Variants in LAMA5 observed in about 807,000 individuals in gnomAD.
The protein encoded by LAMA5 is laminin subunit alpha 5.
Under a neutral mutation model 433.4 loss-of-function variants are expected in LAMA5, and 260 were observed. That is an observed-to-expected ratio of 0.60 (90% CI 0.54 to 0.66). The LOEUF (loss-of-function observed/expected upper bound fraction) is 0.66. LAMA5 is among the 30% of genes least tolerant of loss of function. LAMA5 has a pLI of 0.00. For missense variants in LAMA5, 5,378 were observed against 5,258.5 expected, an observed-to-expected ratio of 1.02 and a Z score of -0.70; for synonymous variants, 2,620 against 2,226.6, an observed-to-expected ratio of 1.18 and a Z score of -4.97.
intron 11 of LAMA5, among the ~76,000 whole-genome samples, chr20:62,344,405 G>T (rs1015463413): frequency 6.6e-6 from 1 of 152,070 alleles, no homozygotes; most frequent in Non-Finnish European, 1.5e-5. Flanking sequence ...CAATGATTTG[G>T]TCAGCAGGTG....
intron 1 of LAMA5, among the ~76,000 whole-genome samples, chr20:62,365,211 A>G (rs919915715): frequency 7.2e-5 from 11 of 152,238 alleles, no homozygotes; most frequent in Non-Finnish European, 2.9e-5. Flanking sequence ...TTTCTCATCC[A>G]AGCTGGCTCT....
At position 62,320,547 on chromosome 20, in the gene LAMA5, T is replaced by G. The variant is rs1384456102; in HGVS notation, c.6759+12A>C. The G allele has an allele frequency of 6.3e-7, 1 of 1,576,400 alleles. No individual in the cohort carries two copies. The highest frequency in any genetic ancestry group is 8.6e-7 in the Non-Finnish European group (1 of 1,167,800). ...AGCCTCCCGGGGCCCTGGGGGGTCTTGGGGCTCCTGCCTGGCCGCCTAGCC... is the reference window on the plus strand; with the variant it reads ...AGCCTCCCGGGGCCCTGGGGGGTCTGGGGGCTCCTGCCTGGCCGCCTAGCC... On this transcript the variant is annotated intron_variant, in intron 50 of 79. Transcript: ENST00000252999.
At chr20:62,341,165 T>C (rs1460886361) in intron 11 of LAMA5, among the ~76,000 whole-genome samples, 2 of 152,068 alleles carry the variant, frequency 1.3e-5, no homozygotes, top group African/African-American at 4.8e-5. Context: ...AAACTATCAG[T>C]GTGCCAAGTC....
At chr20:62,318,364 G>GGGAGGGGAGGGGGGGATGAGA (rs1987274786) in intron 53 of LAMA5, 90 bp downstream of exon 53, 2 of 608,392 alleles carry the variant, frequency 3.3e-6, no homozygotes, top group African/African-American at 3.0e-5. Context: ...GGAGGACGAG[G>GGGAGGGGAGGGGGGGATGAGA]GGAGGGGAGG....
Position 62,327,639 on chromosome 20 carries a change from A to C in LAMA5, c.4828T>G (p.Cys1610Gly), listed in dbSNP as rs775728783. The change falls in exon 37 of 80, where the codon TGC becomes GGC. Residue 1610 changes from cysteine to glycine, a missense_variant. By Grantham distance (159) the Cys-to-Gly change is radical (BLOSUM62 -3). Coordinates refer to ENST00000252999, the MANE Select transcript of LAMA5 (RefSeq NM_005560.6). ...ENVQGPKCDQ[C>G]SLGTFSLDAA... ...TCCAGTGAGAAGGTCCCAAGGCTGCACTGGTCACATTTGGGGCCCTGCACG... is the reference window on the plus strand; with the variant it reads ...TCCAGTGAGAAGGTCCCAAGGCTGCCCTGGTCACATTTGGGGCCCTGCACG... 1 of 1,613,198 alleles carries C rather than the reference A, an allele frequency of 6.2e-7. No homozygotes were observed.
chr20:62,353,435 G>T, intron 2 of LAMA5, 184 bp from the exon 3 acceptor site: 1 of 520,044 alleles, frequency 1.9e-6, no homozygotes, highest in Non-Finnish European at 3.4e-6. Context: ...GGCTCCCCAG[G>T]GATGGAGATG....
At position 62,309,259 on chromosome 20, in the gene LAMA5, G is replaced by C; in HGVS notation, c.*77C>G. 1.4e-6 allele frequency: 2 copies of C among 1,407,836 alleles called. No homozygotes were observed. The highest frequency in any genetic ancestry group is 1.9e-6 in the Non-Finnish European group (2 of 1,039,984). 87.2% of individuals were successfully genotyped at this position (1,407,836 alleles called of 1,614,324 possible). The stretch of plus-strand genomic sequence containing the variant: ...ACCCGTAGAGCTTAGAGTCCAAATA[G>C]ACACCTATGAGGCGAGCACAAGGGG... On this transcript the variant is annotated 3_prime_UTR_variant, in exon 80 of 80. Coordinates refer to ENST00000252999, the MANE Select transcript of LAMA5 (RefSeq NM_005560.6).
intron 50 of LAMA5, 118 bp downstream of exon 50, chr20:62,320,441 T>TC: frequency 2.8e-6 from 2 of 719,378 alleles, no homozygotes; most frequent in Non-Finnish European, 4.6e-6. Context: ...CGAGCTCCTG[T>TC]CCCCTGCACT....
chr20:62,312,971 C>T lies in LAMA5; in HGVS notation c.8995G>A (p.Val2999Met), dbSNP rs776263026. The T allele has an allele frequency of 6.3e-6, 10 of 1,581,854 alleles. No homozygotes were observed. Among genetic ancestry groups the T allele is most frequent in the Admixed American group, 1.7e-5 (1 of 58,126 alleles). ...CCAGCCCCAAAGTCATACAACAGCACGAGGCTGCCTTCTTGCACGGCCAAG... is the reference window on the plus strand; with the variant it reads ...CCAGCCCCAAAGTCATACAACAGCATGAGGCTGCCTTCTTGCACGGCCAAG... The part of the protein sequence containing the change: ...LCLAVQEGSL[V>M]LLYDFGAGLK... The change falls in exon 66 of 80, where the codon GTG (valine) becomes ATG (methionine). Residue 2999 changes from valine to methionine, a missense_variant. Coordinates refer to ENST00000252999, the MANE Select transcript of LAMA5 (RefSeq NM_005560.6).
chr20:62,309,400 A>G lies in LAMA5; in HGVS notation c.11024T>C (p.Val3675Ala). 2 of 1,587,564 alleles carry G rather than the reference A, an allele frequency of 1.3e-6. No homozygotes were observed. The highest frequency in any genetic ancestry group is 1.7e-6 in the Non-Finnish European group (2 of 1,175,494). Residue 3675 changes from valine (V) to alanine (A), a missense_variant, in exon 80 of 80, where the codon GTC (valine) becomes GCC (alanine). Coordinates refer to ENST00000252999, the MANE Select transcript of LAMA5 (RefSeq NM_005560.6). ...GACCTCCACAGAGCGAGTCATGGCG[A>G]CGGGGGACCGGTTCACCGCCAGCCT... ...MRRLAVNRSP[V>A]AMTRSVEVHG... is the part of the protein sequence containing the mutation.
chr20:62,326,968 T>C lies in LAMA5; in HGVS notation c.5113-2A>G. The C allele has an allele frequency of 6.3e-7, 1 of 1,597,508 alleles. No homozygotes were observed. The highest frequency in any genetic ancestry group is 8.6e-7 in the Non-Finnish European group (1 of 1,168,350). The stretch of plus-strand genomic sequence containing the variant: ...GAGGGTCCCACCGTAGGATGACACC[T>C]GGAGGCAGGACAGACAGAGGTGACC... On this transcript the variant is annotated splice_acceptor_variant, in intron 38 of 79. Coordinates refer to ENST00000252999, the MANE Select transcript of LAMA5 (RefSeq NM_005560.6). LOFTEE classifies it high-confidence loss of function.
chr20:62,321,302 G>C (rs1484732523), intron 48 of LAMA5, among the ~76,000 whole-genome samples: 2 of 91,104 alleles, frequency 2.2e-5, no homozygotes, highest in South Asian at 4.2e-4. Flanking sequence ...AGGAAGAGGG[G>C]GCCAGTGAAG....
At chr20:62,309,595 T>A in intron 79 of LAMA5, 120 bp from the exon 80 acceptor site, 1 of 460,768 alleles carries the variant, frequency 2.2e-6, no homozygotes, top group Non-Finnish European at 3.5e-6. Flanking sequence ...AGGAGGGTGG[T>A]AGGGGGGTGG....
chr20:62,330,026 C>A, intron 31 of LAMA5, 110 bp from the exon 32 acceptor site: 1 of 1,428,592 alleles, frequency 7.0e-7, no homozygotes, highest in Non-Finnish European at 9.3e-7. Flanking sequence ...CGCTGGCCAA[C>A]GGCCACAGGC....
Position 62,336,782 on chromosome 20 carries a change from G to A in LAMA5, c.2169C>T (p.Gly723=), listed in dbSNP as rs1981706532. Reference sequence around the variant, plus strand: ...GGGCCAGACCGGCAGGGTGGCAAGAGCCAGCTGTGAAGAGAGGACCATGCC... The same window carrying A: ...GGGCCAGACCGGCAGGGTGGCAAGAACCAGCTGTGAAGAGAGGACCATGCC... The part of the protein sequence containing the change: ...GAYNFPYCEA[G]SCHPAGLAPV... The change falls in exon 17 of 80, where the codon GGC becomes GGT. Residue 723 remains glycine (G), a synonymous_variant. Transcript: ENST00000252999. 1.2e-6 allele frequency: 2 copies of A among 1,612,530 alleles called. No homozygotes were observed. The highest frequency in any genetic ancestry group is 1.1e-5 in the South Asian group (1 of 91,054).
Position 62,331,200 on chromosome 20 carries a change from G to GGGGGGGTGCAGGTGGTACGATGT in LAMA5, c.3553-72_3553-71insACATCGTACCACCTGCACCCCCC, listed in dbSNP as rs1980346423. 6.8e-6 allele frequency: 3 copies of GGGGGGGTGCAGGTGGTACGATGT among 444,440 alleles called. 1 individual carries two copies. Among genetic ancestry groups the GGGGGGGTGCAGGTGGTACGATGT allele is most frequent in the Non-Finnish European group, 1.0e-5 (3 of 300,836 alleles). The allele number at this position is 444,440 out of a possible 1,614,324, so 27.5% of individuals were successfully genotyped here. On this transcript the variant is annotated intron_variant, in intron 28 of 79. Transcript: ENST00000252999. ...GGATAGGGGGTGCAGGCGGTACGAT[G>GGGGGGGTGCAGGTGGTACGATGT]GGGGGGTGCAGGCGGTACGATGGGG... is the stretch of plus-strand genomic sequence containing the variant.
chr20:62,347,362 G>A (rs1448174879), intron 6 of LAMA5, among the ~76,000 whole-genome samples: 3 of 152,224 alleles, frequency 2.0e-5, no homozygotes, highest in East Asian at 1.9e-4. Flanking sequence ...GCACCTCAGG[G>A]GTCAGTAGAG....
Position 62,337,723 on chromosome 20 carries a change from G to A in LAMA5, c.2031C>T (p.Cys677=). 1 of 1,608,876 alleles carries A rather than the reference G, an allele frequency of 6.2e-7. No individual in the cohort carries two copies. The highest frequency in any genetic ancestry group is 8.5e-7 in the Non-Finnish European group (1 of 1,177,370). The part of the protein sequence containing the change: ...GFHGFPSCVP[C]HCSAEGSLHA... ...GCAGGGAGCCTTCAGCAGAGCAGTG[G>A]CAGGCTGCAGACAAGGATAGCTGTG... Residue 677 remains cysteine (C), a synonymous_variant, in exon 16 of 80, where the codon TGC becomes TGT. Transcript: ENST00000252999.
At chr20:62,355,723 C>A (rs1329586166) in intron 2 of LAMA5, among the ~76,000 whole-genome samples, 1 of 151,976 alleles carries the variant, frequency 6.6e-6, no homozygotes, top group Admixed American at 6.5e-5. Flanking sequence ...AGACCCTATA[C>A]CCAGCCCCAC....
Sources: gnomAD v4.1 joint callset for allele counts (sites outside exome capture counted in the v4.1 genomes callset) on GRCh38, gnomAD v4.1.1 for gene constraint, MANE v1.5 for transcripts, NCBI Gene and HGNC (gene_info 2026-07-23, HGNC 2026-07-21) for gene names.